The following VDAC1 variants were observed in gnomAD, a reference collection of about 807,000 sequenced individuals.
The protein encoded by VDAC1 is non-selective voltage-gated ion channel VDAC1.
In VDAC1, 10 loss-of-function variants were observed where a neutral mutation model predicts 34.7. The observed-to-expected ratio is 0.29, with a 90% CI of 0.18 to 0.49. The LOEUF (loss-of-function observed/expected upper bound fraction) is 0.49. VDAC1 is among the 20% of genes least tolerant of loss of function. VDAC1 has a pLI of 0.99. For synonymous variants in VDAC1, 130 were observed against 136.0 expected (o/e 0.96, Z 0.30); for missense variants, 230 against 347.9 (o/e 0.66, Z 2.69).
At chr5:134,060,863 C>T in the VDAC1 span, among the ~76,000 whole-genome samples, 1 of 114,578 alleles carries the variant, frequency 8.7e-6, no homozygotes, top group African/African-American at 3.7e-5. Context: ...TGTTGCAGAT[C>T]TCCTCCTCTT....
chr5:134,112,695 TAAAG>T, the VDAC1 span, among the ~76,000 whole-genome samples: 7 of 152,178 alleles, frequency 4.6e-5, no homozygotes, highest in African/African-American at 1.7e-4. Context: ...ACCATTTTAG[TAAAG>T]AAAGGATGTT....
the VDAC1 span, among the ~76,000 whole-genome samples, chr5:134,010,370 G>A: frequency 6.6e-6 from 1 of 152,080 alleles, no homozygotes; most frequent in Non-Finnish European, 1.5e-5. Flanking sequence ...GGCTGAGGCG[G>A]GCAGATCACC....
chr5:134,024,639 G>T, the VDAC1 span, among the ~76,000 whole-genome samples: 15 of 150,986 alleles, frequency 9.9e-5, no homozygotes, highest in Admixed American at 2.0e-4. Flanking sequence ...AATGACTGCA[G>T]CAAAATAAAA....
At chr5:133,980,627 G>A (rs1426204415) in intron 6 of VDAC1, 102 bp downstream of exon 6, 3 of 974,760 alleles carry the variant, frequency 3.1e-6, no homozygotes, top group East Asian at 5.4e-5. Context: ...TAAAAACTGG[G>A]CTTTCTTAAA....
chr5:133,999,417 C>A (rs182893533), intron 1 of VDAC1, among the ~76,000 whole-genome samples: 24 of 152,334 alleles, frequency 1.6e-4, no homozygotes, highest in Admixed American at 4.6e-4. Context: ...TAATCCACTA[C>A]ACTGGATACT....
At chr5:134,049,646 CT>C in the VDAC1 span, among the ~76,000 whole-genome samples, 1 of 152,106 alleles carries the variant, frequency 6.6e-6, no homozygotes, top group Non-Finnish European at 1.5e-5. Context: ...GTAGTGTGAT[CT>C]CAGCTCACTG....
the VDAC1 span, among the ~76,000 whole-genome samples, chr5:134,023,435 T>C: frequency 4.3e-3 from 622 of 144,716 alleles, 5 homozygotes; most frequent in African/African-American, 0.015. Context: ...CGTATACCTA[T>C]GTAACAAACC....
At chr5:134,011,388 T>G in the VDAC1 span, among the ~76,000 whole-genome samples, 1 of 152,156 alleles carries the variant, frequency 6.6e-6, no homozygotes, top group Non-Finnish European at 1.5e-5. Context: ...ATACCTTTTG[T>G]CAGATGCATA....
chr5:134,071,298 G>A, the VDAC1 span, among the ~76,000 whole-genome samples: 2 of 152,224 alleles, frequency 1.3e-5, no homozygotes, highest in African/African-American at 4.8e-5. This position sits in a 1 kb window ranked among gnomAD's most constrained non-coding sequence, Gnocchi z 4.1. Flanking sequence ...CAGCCAGCGC[G>A]GCCACTTCAA....
At chr5:134,077,132 C>T in the VDAC1 span, among the ~76,000 whole-genome samples, 3 of 151,978 alleles carry the variant, frequency 2.0e-5, no homozygotes, top group Admixed American at 6.6e-5. Context: ...CAAAAATTAG[C>T]CAGGCGTGGT....
chr5:134,000,368 G>A (rs1753498527), intron 1 of VDAC1, among the ~76,000 whole-genome samples: 1 of 152,214 alleles, frequency 6.6e-6, no homozygotes, highest in Non-Finnish European at 1.5e-5. Context: ...CAGCACAGCT[G>A]AGTTCCATGC....
At chr5:134,096,285 C>T in the VDAC1 span, among the ~76,000 whole-genome samples, 2 of 152,276 alleles carry the variant, frequency 1.3e-5, no homozygotes, top group Admixed American at 1.3e-4. Context: ...GCTCCTCTCT[C>T]CAGTGCTCCT....
the VDAC1 span, among the ~76,000 whole-genome samples, chr5:134,030,595 T>C: frequency 2.5e-5 from 1 of 39,874 alleles, no homozygotes; most frequent in Non-Finnish European, 6.4e-5. Flanking sequence ...ATTCTTTCTT[T>C]CTTTCTTTCT....
chr5:134,020,186 A>G, the VDAC1 span, among the ~76,000 whole-genome samples: 4 of 151,946 alleles, frequency 2.6e-5, no homozygotes, highest in African/African-American at 9.7e-5. Flanking sequence ...CTGTTTCGCC[A>G]AGCCACAGAT....
At chr5:133,996,525 G>A (rs1323830161) in intron 1 of VDAC1, among the ~76,000 whole-genome samples, 2 of 152,044 alleles carry the variant, frequency 1.3e-5, no homozygotes, top group African/African-American at 2.4e-5. Flanking sequence ...CAGCTGAATG[G>A]CAATGACAGC....
Position 133,976,000 on chromosome 5 carries a change from G to A in VDAC1, c.573C>T (p.Gly191=), listed in dbSNP as rs578103238. The A allele has an allele frequency of 4.6e-5, 75 of 1,613,976 alleles. 1 individual carries two copies. The highest frequency in any genetic ancestry group is 3.4e-4 in the South Asian group (31 of 91,062). The part of the protein sequence containing the change: ...HTNVNDGTEF[G]GSIYQKVNKK... ...TGTTCACTTTCTGGTAAATGGAGCC[G>A]CCAAACTCTGTCCCGTCATTCCTGC... The change falls in exon 7 of 9, where the codon GGC becomes GGT. Residue 191 remains glycine (G), a synonymous_variant. Transcript: ENST00000265333.
upstream of VDAC1, among the ~76,000 whole-genome samples, chr5:134,009,272 T>C (rs1464561454): frequency 1.4e-5 from 2 of 146,176 alleles, no homozygotes; most frequent in Non-Finnish European, 3.0e-5. Context: ...TTTTTTTTTT[T>C]TGAGATGGAG....
the VDAC1 span, among the ~76,000 whole-genome samples, chr5:134,054,458 C>CTTTTTTTTTTTTTTT: frequency 2.4e-5 from 3 of 123,546 alleles, no homozygotes; most frequent in Non-Finnish European, 4.8e-5. Flanking sequence ...TCCTTCCTTC[C>CTTTTTTTTTTTTTTT]TTTTTTTTTT....
At chr5:134,005,823 TTC>T (rs1357687253), upstream of VDAC1, among the ~76,000 whole-genome samples, 2 of 152,164 alleles carry the variant, frequency 1.3e-5, no homozygotes, top group Non-Finnish European at 2.9e-5. Flanking sequence ...TGGACGAAGA[TTC>T]TACACATCCT....
Sources: allele counts gnomAD v4.1 joint callset (sites outside exome capture counted in the v4.1 genomes callset), GRCh38; gene constraint gnomAD v4.1.1; non-coding constraint Gnocchi (gnomAD v3.1); transcripts MANE v1.5; gene names NCBI Gene and HGNC (gene_info 2026-07-23, HGNC 2026-07-21).